DNAH7: variants seen among roughly 807,000 people sequenced by gnomAD.
DNAH7 encodes the protein axonemal beta dynein heavy chain 7.
A neutral mutation model predicts 444.6 loss-of-function variants in DNAH7; 397 were observed. That is an observed-to-expected ratio of 0.89 (90% CI 0.82 to 0.97). DNAH7 has a LOEUF of 0.97. DNAH7 is among the 50% of genes least tolerant of loss of function. The pLI, the probability that DNAH7 is intolerant of heterozygous loss-of-function variation, is 0.00. For synonymous variants in DNAH7, 1,636 were observed against 1,624.4 expected, an observed-to-expected ratio of 1.01 and a Z score of -0.17; for missense variants, 4,902 against 4,800.8, an observed-to-expected ratio of 1.02 and a Z score of -0.62.
intron 51 of DNAH7, among the ~76,000 whole-genome samples, chr2:195,816,313 AAATT>A (rs946220064): frequency 2.0e-5 from 3 of 152,208 alleles, no homozygotes; most frequent in African/African-American, 7.2e-5. Flanking sequence ...CATATTTTAA[AAATT>A]ATTAACTACT....
At chr2:195,965,029 C>A (rs1691379369) in intron 17 of DNAH7, among the ~76,000 whole-genome samples, 1 of 152,098 alleles carries the variant, frequency 6.6e-6, no homozygotes, top group South Asian at 2.1e-4. Flanking sequence ...AGTGGGCATC[C>A]TTGATGTGTT....
intron 63 of DNAH7, among the ~76,000 whole-genome samples, chr2:195,752,290 TGTG>T (rs911914352): frequency 2.5e-4 from 34 of 138,198 alleles, no homozygotes; most frequent in African/African-American, 8.5e-4. Context: ...AAAAAAAAAT[TGTG>T]GTGGCAGTAG....
intron 5 of DNAH7, among the ~76,000 whole-genome samples, chr2:196,031,301 C>T (rs1276950312): frequency 6.6e-6 from 1 of 152,224 alleles, no homozygotes; most frequent in Non-Finnish European, 1.5e-5. Context: ...AGCCTGCACA[C>T]AGCACGGGGA....
chr2:196,068,658 CGCG>C (rs886112584), intron 1 of DNAH7, 36 bp downstream of exon 1: 3 of 1,549,862 alleles, frequency 1.9e-6, no homozygotes, highest in South Asian at 1.2e-5. Flanking sequence ...TGGGAAGCGT[CGCG>C]GCGGCGGCGA....
At chr2:196,064,621 A>G (rs1698320910) in intron 1 of DNAH7, among the ~76,000 whole-genome samples, 1 of 152,174 alleles carries the variant, frequency 6.6e-6, no homozygotes, top group Non-Finnish European at 1.5e-5. Flanking sequence ...TACACTTATT[A>G]CTACATATGA....
rs892075026 is a variant in DNAH7, at chr2:196,068,528, G to T, written c.15+169C>A. The stretch of plus-strand genomic sequence containing the variant: ...ACAGCTGGGAAGGGAACTTATAAGG[G>T]CATTCACGGAAAGCGCTCAGTAACC... On this transcript the variant is annotated intron_variant, in intron 1 of 64. Coordinates refer to ENST00000312428, the MANE Select transcript of DNAH7 (RefSeq NM_018897.3). 49 of 826,522 alleles carry T rather than the reference G, an allele frequency of 5.9e-5. No homozygotes were observed. The African/African-American group carries it at 7.8e-4, about 13-fold the overall frequency. 51.2% of individuals were successfully genotyped at this position (826,522 alleles called of 1,614,324 possible).
At chr2:195,748,275 C>T (rs1693552209) in intron 63 of DNAH7, among the ~76,000 whole-genome samples, 1 of 152,162 alleles carries the variant, frequency 6.6e-6, no homozygotes, top group Non-Finnish European at 1.5e-5. Context: ...ATCCAGCTTA[C>T]AAGGGACGTG....
chr2:195,869,593 G>C (rs1700558350), intron 40 of DNAH7, among the ~76,000 whole-genome samples: 1 of 152,122 alleles, frequency 6.6e-6, no homozygotes, highest in Non-Finnish European at 1.5e-5. Context: ...GTATTAAAAA[G>C]CTTCAACTAG....
At chr2:195,821,331 G>A (rs1296744523) in intron 49 of DNAH7, among the ~76,000 whole-genome samples, 1 of 152,132 alleles carries the variant, frequency 6.6e-6, no homozygotes, top group Non-Finnish European at 1.5e-5. Flanking sequence ...TGTTACTGAG[G>A]TTGCTGTTCT....
At chr2:195,822,394 A>T (rs961346520) in intron 49 of DNAH7, among the ~76,000 whole-genome samples, 2 of 152,214 alleles carry the variant, frequency 1.3e-5, no homozygotes, top group African/African-American at 4.8e-5. Context: ...TTTATTCTCA[A>T]ATAAACATTT....
At chr2:196,001,598 G>A (rs1694038695) in intron 11 of DNAH7, 77 bp downstream of exon 11, 6 of 1,290,986 alleles carry the variant, frequency 4.6e-6, no homozygotes. Flanking sequence ...CACTGATAGA[G>A]ATGTTATTTT....
intron 59 of DNAH7, 73 bp from the exon 60 acceptor site, chr2:195,776,056 G>T: frequency 6.4e-7 from 1 of 1,564,832 alleles, no homozygotes; most frequent in East Asian, 2.2e-5. Flanking sequence ...CAGAAAAGAG[G>T]CAGTTTTCAA....
intron 2 of DNAH7, among the ~76,000 whole-genome samples, chr2:196,056,173 A>C (rs1238312613): frequency 6.6e-6 from 1 of 152,114 alleles, no homozygotes; most frequent in East Asian, 1.9e-4. Flanking sequence ...GGCCGGGCGC[A>C]GTGGTTCACG....
At chr2:195,939,713 T>G (rs905846206) in intron 19 of DNAH7, among the ~76,000 whole-genome samples, 1 of 152,122 alleles carries the variant, frequency 6.6e-6, no homozygotes, top group African/African-American at 2.4e-5. Context: ...CCCACCAATC[T>G]CATCAGCTCT....
intron 47 of DNAH7, 93 bp from the exon 48 acceptor site, chr2:195,834,453 T>C (rs1698232246): frequency 2.3e-6 from 3 of 1,319,494 alleles, no homozygotes; most frequent in East Asian, 2.3e-5. Context: ...TTTTAAAAGT[T>C]TGCCCTTTAT....
chr2:195,776,994 G>GTA (rs994680865), intron 59 of DNAH7, among the ~76,000 whole-genome samples: 3 of 152,122 alleles, frequency 2.0e-5, no homozygotes, highest in Admixed American at 6.6e-5. Context: ...TTGACTTGCT[G>GTA]TACCCAACAG....
chr2:195,949,184 T>G (rs1368333537), intron 19 of DNAH7, among the ~76,000 whole-genome samples: 1 of 152,194 alleles, frequency 6.6e-6, no homozygotes, highest in Non-Finnish European at 1.5e-5. Flanking sequence ...TTAAGGAGAT[T>G]TTGGGCTGAG....
intron 2 of DNAH7, among the ~76,000 whole-genome samples, chr2:196,053,512 A>T (rs1697613774): frequency 6.6e-6 from 1 of 152,228 alleles, no homozygotes; most frequent in Non-Finnish European, 1.5e-5. Context: ...GGTTCTGATG[A>T]TACAAACAGG....
At chr2:195,772,192 T>C (rs1694871652) in intron 60 of DNAH7, among the ~76,000 whole-genome samples, 1 of 152,156 alleles carries the variant, frequency 6.6e-6, no homozygotes, top group Non-Finnish European at 1.5e-5. Flanking sequence ...TTGCAGATGC[T>C]GCAGATAGTG....
Sources: allele counts gnomAD v4.1 joint callset (sites outside exome capture counted in the v4.1 genomes callset), GRCh38; gene constraint gnomAD v4.1.1; transcripts MANE v1.5; gene names NCBI Gene and HGNC (gene_info 2026-07-23, HGNC 2026-07-21).